Variants in SPNS3 observed in about 807,000 individuals in gnomAD.
SPNS3 encodes SPNS lysolipid transporter 3, sphingosine-1-phosphate (putative).
In SPNS3, 51 loss-of-function variants were observed where a neutral mutation model predicts 54.4. The observed-to-expected ratio is 0.94, with a 90% CI of 0.75 to 1.18. SPNS3 has a LOEUF of 1.18. Ranked by LOEUF, SPNS3 falls within the 50% of genes most tolerant of loss-of-function variation. The pLI is 0.00. For missense variants in SPNS3, 669 were observed against 677.4 expected (o/e 0.99, Z 0.14); for synonymous variants, 309 against 294.7 (o/e 1.05, Z -0.50).
Position 4,486,529 on chromosome 17 carries a change from C to T in SPNS3, c.1396C>T (p.Leu466=), listed in dbSNP as rs774471286. 1 of 1,613,574 alleles carries T rather than the reference C, an allele frequency of 6.2e-7. No individual in the cohort carries two copies. Among genetic ancestry groups the T allele is most frequent in the Non-Finnish European group, 8.5e-7 (1 of 1,179,944 alleles). ...CGCCCTGGGGGGCGGCTGCTTCCTG[C>T]TGACTGCGCTGTACCTGGAGAGAGA... ...VIALGGGCFL[L]TALYLERDET... Residue 466 remains leucine, a synonymous_variant, in exon 11 of 12, where the codon CTG becomes TTG. Transcript: ENST00000355530. This position sits in a 1 kb window ranked among gnomAD's most constrained non-coding sequence, Gnocchi z 5.5.
intron 8 of SPNS3, among the ~76,000 whole-genome samples, chr17:4,464,423 C>A (rs533972275): frequency 3.9e-5 from 6 of 152,130 alleles, no homozygotes; most frequent in Non-Finnish European, 1.5e-5. Flanking sequence ...TGTGGCTGAA[C>A]GTCGGCTATC....
At chr17:4,452,907 C>A in intron 7 of SPNS3, 109 bp from the exon 8 acceptor site, 1 of 1,054,298 alleles carries the variant, frequency 9.5e-7, no homozygotes, top group Non-Finnish European at 1.4e-6. Context: ...CTGTAGACAC[C>A]AGATCATGCA....
Position 4,448,146 on chromosome 17 carries a change from T to C in SPNS3, c.622-9T>C, listed in dbSNP as rs757477722. On this transcript the variant is annotated splice_polypyrimidine_tract_variant and intron_variant, in intron 5 of 11. Transcript: ENST00000355530. ...CGGCCCTGAGCTTCCTGGGCCCTCC[T>C]GTCCCCAGGTCATGCCCTGCCTGGA... is the stretch of plus-strand genomic sequence containing the variant. The C allele has an allele frequency of 3.2e-6, 5 of 1,573,420 alleles. No homozygotes were observed. In the South Asian group the frequency reaches 5.9e-5, roughly 19 times the overall value.
intron 8 of SPNS3, among the ~76,000 whole-genome samples, chr17:4,468,296 ATAAAT>A (rs1373317259): frequency 2.6e-5 from 4 of 152,214 alleles, no homozygotes; most frequent in Non-Finnish European, 4.4e-5. Flanking sequence ...CAAACAAAAA[ATAAAT>A]TAAAAAAAAG....
In SPNS3 at chr17:4,474,810, G is replaced by C. The variant is rs76915951; in HGVS notation, c.1114-3762G>C. Among the ~76,000 whole-genome samples, 4,730 of 152,222 alleles carry C rather than the reference G, an allele frequency of 0.031. 455 individuals carry two copies. In the East Asian group the frequency reaches 0.39, roughly 13 times the overall value. On this transcript the variant is annotated intron_variant, in intron 8 of 11. Coordinates refer to ENST00000355530, the MANE Select transcript of SPNS3 (RefSeq NM_182538.5). ...TTTTTCGGCAAGTCCACCCCAACGA[G>C]CCTGTGCCAGGGTTTATAGTCATCA...
rs369986985 is a variant in SPNS3 at position 4,439,628 on chromosome 17, G to C, written c.200-30G>C. ...TTAGAGGCCAGGAGGGCTACTTCCC[G>C]TTTCCTGAGCACTGTCCCTCTGTCT... On this transcript the variant is annotated intron_variant, in intron 1 of 11. Transcript: ENST00000355530. 17 of 1,605,918 alleles carry C rather than the reference G, an allele frequency of 1.1e-5. No individual in the cohort carries two copies. The African/African-American group carries it at 2.0e-4, about 19-fold the overall frequency.
chr17:4,482,633 C>T (rs558870364), intron 9 of SPNS3: 1 of 152,378 alleles, frequency 6.6e-6, no homozygotes, highest in South Asian at 2.1e-4. Flanking sequence ...CAAGACCCAC[C>T]TCTGCCAGCC....
rs1219284430 is a variant in SPNS3, at chr17:4,483,134, C to T, written c.1180-3094C>T. Among the ~76,000 whole-genome samples, 3 of 152,226 alleles carry T rather than the reference C, an allele frequency of 2.0e-5. No homozygotes were observed. Among genetic ancestry groups the T allele is most frequent in the South Asian group, 4.1e-4 (2 of 4,826 alleles). On this transcript the variant is annotated intron_variant, in intron 9 of 11. Coordinates refer to ENST00000355530, the MANE Select transcript of SPNS3 (RefSeq NM_182538.5). The surrounding 1 kb of genome is among the most constrained non-coding windows in gnomAD (Gnocchi z 4.2). ...TGTCTGCTCACTGGCCTGTCTCACCCTCTCAGGGGCGTCTGGGGGCGAGGC... is the reference window on the plus strand; with the variant it reads ...TGTCTGCTCACTGGCCTGTCTCACCTTCTCAGGGGCGTCTGGGGGCGAGGC...
In SPNS3 at chr17:4,445,090, T is replaced by C. The variant is rs1970948146; in HGVS notation, c.324T>C (p.His108=). 1 of 1,614,052 alleles carries C rather than the reference T, an allele frequency of 6.2e-7. No individual in the cohort carries two copies. Among genetic ancestry groups the C allele is most frequent in the African/African-American group, 1.3e-5 (1 of 74,936 alleles). Residue 108 remains histidine (H), a synonymous_variant, in exon 3 of 12, where the codon CAT becomes CAC. Coordinates refer to ENST00000355530, the MANE Select transcript of SPNS3 (RefSeq NM_182538.5). ...APVFGYLGDR[H]SRKATMSFGI... Reference sequence around the variant, plus strand: ...TGTTTGGCTACCTGGGCGACCGACATAGCCGCAAGGCTACCATGAGCTTCG... The same window carrying C: ...TGTTTGGCTACCTGGGCGACCGACACAGCCGCAAGGCTACCATGAGCTTCG...
chr17:4,464,327 C>G (rs1350954518), intron 8 of SPNS3, among the ~76,000 whole-genome samples: 1 of 152,198 alleles, frequency 6.6e-6, no homozygotes, highest in Admixed American at 6.5e-5. Flanking sequence ...GAGCTGCTGC[C>G]CTTCAGAAGA....
chr17:4,453,839 C>A (rs990197154), intron 8 of SPNS3, among the ~76,000 whole-genome samples: 2 of 152,138 alleles, frequency 1.3e-5, no homozygotes, highest in African/African-American at 4.8e-5. Context: ...GGAAGCAAGG[C>A]CCAGATTGGT....
intron 2 of SPNS3, among the ~76,000 whole-genome samples, chr17:4,441,962 G>A (rs1970860075): frequency 1.5e-5 from 2 of 131,926 alleles, no homozygotes; most frequent in Admixed American, 8.0e-5. Context: ...ATTACTACAA[G>A]TCCTGGGCCA....
At chr17:4,464,508 C>G (rs1284805122) in intron 8 of SPNS3, among the ~76,000 whole-genome samples, 1 of 152,030 alleles carries the variant, frequency 6.6e-6, no homozygotes, top group Non-Finnish European at 1.5e-5. Flanking sequence ...TGTGAGCTGT[C>G]TGAAAGACCT....
At chr17:4,441,247 G>C (rs1186532064) in intron 2 of SPNS3, among the ~76,000 whole-genome samples, 1 of 152,222 alleles carries the variant, frequency 6.6e-6, no homozygotes, top group African/African-American at 2.4e-5. Context: ...TGAGAGCCAG[G>C]TGCAGTGGCT....
intron 8 of SPNS3, among the ~76,000 whole-genome samples, chr17:4,454,250 TC>T (rs1971244113): frequency 1.3e-5 from 2 of 152,190 alleles, no homozygotes. Flanking sequence ...TGCAGCCGTG[TC>T]CCTGGCTCCC....
At chr17:4,447,097 C>T in intron 5 of SPNS3, 135 bp downstream of exon 5, 2 of 876,302 alleles carry the variant, frequency 2.3e-6, no homozygotes, top group Admixed American at 4.1e-5. Flanking sequence ...CAGGCATCGG[C>T]AGCTTTGGAC....
chr17:4,482,382 G>A (rs908467857), intron 9 of SPNS3: 7 of 152,242 alleles, frequency 4.6e-5, no homozygotes, highest in African/African-American at 1.4e-4. Flanking sequence ...TCCGTGCTGG[G>A]GTCCAGGGAC....
rs765098023 is a variant in SPNS3, at chr17:4,486,463, C to A, written c.1330C>A (p.Arg444Ser). The A allele has an allele frequency of 7.4e-6, 12 of 1,612,942 alleles. No homozygotes were observed. The South Asian group carries it at 1.3e-4, about 18-fold the overall frequency. ...CCCTGACTCCTATCTGCAGCGCTTC[C>A]GCAGCCTGCAGCAGAGCTTCCTGTG... Reference protein sequence around the residue: ...RRPDSYLQRFRSLQQSFLCCA... With the variant: ...RRPDSYLQRFSSLQQSFLCCA... Residue 444 changes from arginine (R) to serine (S), a missense_variant, in exon 11 of 12, where the codon CGC (arginine) becomes AGC (serine). By Grantham distance (110) the Arg-to-Ser change is moderately radical (BLOSUM62 -1). Coordinates refer to ENST00000355530, the MANE Select transcript of SPNS3 (RefSeq NM_182538.5). This position sits in a 1 kb window ranked among gnomAD's most constrained non-coding sequence, Gnocchi z 5.5.
intron 8 of SPNS3, among the ~76,000 whole-genome samples, chr17:4,457,714 C>T (rs1430843839): frequency 1.3e-5 from 2 of 151,924 alleles, no homozygotes; most frequent in African/African-American, 4.8e-5. Flanking sequence ...GGAGGTGCTC[C>T]TTGGCTGTGT....
Sources: gnomAD v4.1 joint callset for allele counts (sites outside exome capture counted in the v4.1 genomes callset) on GRCh38, gnomAD v4.1.1 for gene constraint, Gnocchi (gnomAD v3.1) non-coding constraint, MANE v1.5 for transcripts, NCBI Gene and HGNC (gene_info 2026-07-23, HGNC 2026-07-21) for gene names.